TSPAN19: variants seen among roughly 807,000 people sequenced by gnomAD.
The protein encoded by TSPAN19 is tetraspanin-19.
TSPAN19 carries 44 observed loss-of-function variants against 35.1 expected under a neutral mutation model. The observed-to-expected ratio is 1.25, with a 90% CI of 0.98 to 1.61. The LOEUF (loss-of-function observed/expected upper bound fraction) is 1.61, where lower values mean the gene tolerates loss of function less well. Ranked by LOEUF, TSPAN19 falls within the 40% of genes most tolerant of loss-of-function variation. The pLI is 0.00. For missense variants in TSPAN19, 290 were observed against 280.0 expected, an observed-to-expected ratio of 1.04 and a Z score of -0.26; for synonymous variants, 79 against 92.0, an observed-to-expected ratio of 0.86 and a Z score of 0.81.
intron 8 of TSPAN19, chr12:85,014,773 G>C (rs1876697554): frequency 2.7e-6 from 1 of 372,774 alleles, no homozygotes. Flanking sequence ...CACGTACAGA[G>C]GAGAATAAGG....
At chr12:85,031,286 T>C (rs1877673358) in intron 1 of TSPAN19, among the ~76,000 whole-genome samples, 1 of 152,148 alleles carries the variant, frequency 6.6e-6, no homozygotes, top group Non-Finnish European at 1.5e-5. Flanking sequence ...GGACGCTCAG[T>C]TGGAAAGACT....
chr12:85,031,055 GA>G (rs1193084600), intron 1 of TSPAN19, among the ~76,000 whole-genome samples: 1 of 151,636 alleles, frequency 6.6e-6, no homozygotes, highest in African/African-American at 2.4e-5. Context: ...TTGAAAAGTG[GA>G]AAAAAAAGAG....
At chr12:85,031,421 TG>T (rs1187260891) in intron 1 of TSPAN19, among the ~76,000 whole-genome samples, 1 of 152,110 alleles carries the variant, frequency 6.6e-6, no homozygotes, top group Non-Finnish European at 1.5e-5. Context: ...CACAAGGTCT[TG>T]GCCCCTGTCT....
intron 1 of TSPAN19, chr12:85,035,046 A>T (rs1168347942): frequency 6.6e-6 from 1 of 152,184 alleles, no homozygotes; most frequent in Non-Finnish European, 1.5e-5. Flanking sequence ...AAATAAAACT[A>T]ATCTTAAGAT....
intron 1 of TSPAN19, among the ~76,000 whole-genome samples, chr12:85,034,007 A>G (rs1877799964): frequency 6.6e-6 from 1 of 152,128 alleles, no homozygotes. Flanking sequence ...ATGGGATGGA[A>G]ACTGTGGGAA....
rs10549033 is a variant in TSPAN19, at chr12:85,015,541, TACACACAC to T, written c.678+339_678+346del. The T allele has an allele frequency of 1.7e-3, 250 of 146,954 alleles. 2 individuals carry two copies. Among genetic ancestry groups the T allele is most frequent in the South Asian group, 0.012 (53 of 4,408 alleles). 9.1% of individuals were successfully genotyped at this position (146,954 alleles called of 1,614,324 possible). On this transcript the variant is annotated intron_variant, in intron 8 of 8. Transcript: ENST00000532498. ...CTCTTACTGCCAATATATGAACATA[TACACACAC>T]ACACACACACACACACACACACACA...
chr12:85,033,056 G>C (rs1178064080), intron 1 of TSPAN19, among the ~76,000 whole-genome samples: 4 of 152,098 alleles, frequency 2.6e-5, no homozygotes, highest in African/African-American at 7.2e-5. Context: ...GAATGTCAAG[G>C]AGTCAAATAT....
intron 3 of TSPAN19, 92 bp from the exon 4 acceptor site, chr12:85,028,115 CAA>C: frequency 1.8e-6 from 2 of 1,133,802 alleles, no homozygotes; most frequent in Non-Finnish European, 2.4e-6. Flanking sequence ...TTGCAGCAAT[CAA>C]AAGTTTTTCT....
At chr12:85,022,767 T>C (rs2135802636) in intron 5 of TSPAN19, among the ~76,000 whole-genome samples, 1 of 152,202 alleles carries the variant, frequency 6.6e-6, no homozygotes, top group Non-Finnish European at 1.5e-5. Context: ...TAACTGTAGG[T>C]TGTAATAGGT....
intron 8 of TSPAN19, 183 bp from the exon 9 acceptor site, chr12:85,014,738 A>G: frequency 4.3e-6 from 2 of 469,304 alleles, no homozygotes. Flanking sequence ...TGAGTCTTCA[A>G]GAATAACCCA....
At position 85,030,546 on chromosome 12, in the gene TSPAN19, A is replaced by G. The variant is rs547589328; in HGVS notation, c.-27-573T>C. On this transcript the variant is annotated intron_variant, in intron 1 of 8. Coordinates refer to ENST00000532498, the MANE Select transcript of TSPAN19 (RefSeq NM_001100917.2). ...CCTGTCTTCTTCCCCACAGAGAGTC[A>G]GGGGTATTTAAGTGGCGAGAGTATG... 1.3e-4 allele frequency among the ~76,000 whole-genome samples: 20 copies of G among 152,156 alleles called. 2 individuals are homozygous for G. The highest frequency in any genetic ancestry group is 4.8e-4 in the African/African-American group (20 of 41,534).
In TSPAN19 at chr12:85,017,443, G is replaced by T; in HGVS notation, c.594+13C>A. 6.2e-7 allele frequency: 1 copy of T among 1,601,744 alleles called. No homozygotes were observed. Among genetic ancestry groups the T allele is most frequent in the Non-Finnish European group, 8.5e-7 (1 of 1,173,844 alleles). ...TACTATAAATACTTGTAGAAGCCTA[G>T]ATTTATCTTTACCTCAAGGTAAGTT... On this transcript the variant is annotated intron_variant, in intron 7 of 8. Transcript: ENST00000532498.
intron 1 of TSPAN19, among the ~76,000 whole-genome samples, chr12:85,031,279 C>T (rs189940713): frequency 2.0e-5 from 3 of 152,164 alleles, no homozygotes; most frequent in Non-Finnish European, 2.9e-5. Flanking sequence ...TTTGATGGGA[C>T]GCTCAGTTGG....
intron 5 of TSPAN19, among the ~76,000 whole-genome samples, chr12:85,022,322 A>G (rs1054648370): frequency 9.2e-5 from 14 of 152,154 alleles, no homozygotes; most frequent in African/African-American, 3.4e-4. Flanking sequence ...TGAGCTGTCC[A>G]GTAAAGAATG....
At chr12:85,020,998 G>C (rs1449287286) in intron 5 of TSPAN19, among the ~76,000 whole-genome samples, 1 of 151,942 alleles carries the variant, frequency 6.6e-6, no homozygotes, top group Non-Finnish European at 1.5e-5. Context: ...TTTGGATGGG[G>C]ATAAACAAAA....
intron 5 of TSPAN19, among the ~76,000 whole-genome samples, chr12:85,021,207 T>C (rs1388075164): frequency 1.3e-5 from 2 of 152,048 alleles, no homozygotes. Context: ...TTTACTTTTG[T>C]TTACAAGGAG....
chr12:85,015,668 GTAA>G (rs1876754702), intron 8 of TSPAN19: 1 of 405,486 alleles, frequency 2.5e-6, no homozygotes, highest in Non-Finnish European at 4.3e-6. Context: ...ACTATACATA[GTAA>G]TAAAATCACT....
At chr12:85,029,830 C>G in intron 2 of TSPAN19, 39 bp from the exon 3 acceptor site, 1 of 1,525,640 alleles carries the variant, frequency 6.6e-7, no homozygotes, top group Non-Finnish European at 8.8e-7. Flanking sequence ...TTTGTAATTG[C>G]CTATACAATA....
In TSPAN19 at chr12:85,017,461, G is replaced by A; in HGVS notation, c.589C>T (p.Leu197Phe). 1.9e-6 allele frequency: 3 copies of A among 1,607,172 alleles called. No individual in the cohort carries two copies. Among genetic ancestry groups the A allele is most frequent in the East Asian group, 2.2e-5 (1 of 44,574 alleles). Reference protein sequence around the residue: ...FCDEPLNATYLEGCENKISAW... With the variant: ...FCDEPLNATYFEGCENKISAW... ...AAGCCTAGATTTATCTTTACCTCAA[G>A]GTAAGTTGCATTCAGTGGCTCATCA... is the stretch of plus-strand genomic sequence containing the variant. The change falls in exon 7 of 9, where the codon CTT (leucine) becomes TTT (phenylalanine). Residue 197 changes from leucine to phenylalanine, a missense_variant. By Grantham distance (22) the Leu-to-Phe change is conservative. Transcript: ENST00000532498.
Sources: allele counts gnomAD v4.1 joint callset (sites outside exome capture counted in the v4.1 genomes callset), GRCh38; gene constraint gnomAD v4.1.1; transcripts MANE v1.5; gene names NCBI Gene and HGNC (gene_info 2026-07-23, HGNC 2026-07-21).